Variants in ADAMTSL3 observed in about 807,000 individuals in gnomAD.
The protein encoded by ADAMTSL3 is ADAMTS-like protein 3.
ADAMTSL3 carries 128 observed loss-of-function variants against 201.7 expected under a neutral mutation model. The ratio of observed to expected loss-of-function variants is 0.63; its 90% CI spans 0.55 to 0.73. ADAMTSL3 has a LOEUF of 0.73. Ranked by LOEUF, ADAMTSL3 falls within the 30% of genes least tolerant of loss-of-function variation. The pLI is 0.00. For synonymous variants in ADAMTSL3, 738 were observed against 748.4 expected (o/e 0.99, Z 0.23); for missense variants, 1,990 against 2,119.6 (o/e 0.94, Z 1.20).
At chr15:83,913,536 CTT>C (rs147058841) in intron 16 of ADAMTSL3, among the ~76,000 whole-genome samples, 158 bp downstream of exon 16, 1 of 147,568 alleles carries the variant, frequency 6.8e-6, no homozygotes, top group Non-Finnish European at 1.5e-5. Flanking sequence ...CTTTTTCTTT[CTT>C]TTTTTTTTGT....
intron 19 of ADAMTSL3, among the ~76,000 whole-genome samples, chr15:83,951,573 A>G (rs2066757750): frequency 6.6e-6 from 1 of 152,282 alleles, no homozygotes; most frequent in East Asian, 1.9e-4. Context: ...CTTTCAGAAC[A>G]GTTCGAGTAA....
At chr15:83,812,955 T>C (rs1567161501) in intron 5 of ADAMTSL3, among the ~76,000 whole-genome samples, 2 of 152,186 alleles carry the variant, frequency 1.3e-5, no homozygotes, top group Non-Finnish European at 2.9e-5. Flanking sequence ...GAATTTAACC[T>C]CAGACAGTCA....
chr15:83,892,226 C>G (rs980833264), intron 12 of ADAMTSL3, among the ~76,000 whole-genome samples: 1 of 141,316 alleles, frequency 7.1e-6, no homozygotes, highest in Non-Finnish European at 1.5e-5. Flanking sequence ...AAAAAAAAAA[C>G]TAAATTAATT....
chr15:84,029,902 G>T (rs2068374040), intron 27 of ADAMTSL3, among the ~76,000 whole-genome samples: 1 of 152,218 alleles, frequency 6.6e-6, no homozygotes, highest in African/African-American at 2.4e-5. Flanking sequence ...TACAACTCAG[G>T]CCATTGCTTC....
At chr15:84,005,142 A>T (rs765561128) in intron 23 of ADAMTSL3, among the ~76,000 whole-genome samples, 1 of 152,212 alleles carries the variant, frequency 6.6e-6, no homozygotes, top group Non-Finnish European at 1.5e-5. Flanking sequence ...TGGGGAATCA[A>T]CACGGCCTTG....
chr15:83,792,640 A>G (rs2063361525), intron 4 of ADAMTSL3, among the ~76,000 whole-genome samples: 1 of 152,106 alleles, frequency 6.6e-6, no homozygotes, highest in African/African-American at 2.4e-5. Context: ...AAAATTAGCC[A>G]GGCATGGTGG....
chr15:83,700,529 C>A (rs2141489578), intron 2 of ADAMTSL3, among the ~76,000 whole-genome samples: 1 of 152,288 alleles, frequency 6.6e-6, no homozygotes. Flanking sequence ...TTTGGGAGGC[C>A]AAGGCGGGCA....
At chr15:83,909,803 A>G (rs2065900646) in intron 15 of ADAMTSL3, among the ~76,000 whole-genome samples, 2 of 151,912 alleles carry the variant, frequency 1.3e-5, no homozygotes, top group Non-Finnish European at 2.9e-5. Context: ...TTTAGTAGAG[A>G]CGGAATCTCA....
At position 83,808,990 on chromosome 15, in the gene ADAMTSL3, A is replaced by AG. The variant is rs2063649960; in HGVS notation, c.363+4300dup. Among the ~76,000 whole-genome samples, 6 of 151,990 alleles carry AG rather than the reference A, an allele frequency of 3.9e-5. 2 individuals carry two copies. In the Middle Eastern group the frequency reaches 0.021, roughly 521 times the overall value. On this transcript the variant is annotated intron_variant, in intron 5 of 29. Coordinates refer to ENST00000286744, the MANE Select transcript of ADAMTSL3 (RefSeq NM_207517.3). ...GTGGTTACCAGAGACTGGGGAGGACAGGGGGCAGGTAGAGATTGGGAGAGG... is the reference window on the plus strand; with the variant it reads ...GTGGTTACCAGAGACTGGGGAGGACAGGGGGGCAGGTAGAGATTGGGAGAGG...
chr15:83,979,102 C>T (rs918016558), intron 20 of ADAMTSL3, among the ~76,000 whole-genome samples: 2 of 152,264 alleles, frequency 1.3e-5, no homozygotes, highest in Admixed American at 1.3e-4. Flanking sequence ...ATCAGGTCAT[C>T]CCCAGCTTGA....
At position 83,667,698 on chromosome 15, in the gene ADAMTSL3, C is replaced by T. The variant is rs374174811; in HGVS notation, c.69+11868C>T. 2.2e-4 allele frequency among the ~76,000 whole-genome samples: 34 copies of T among 151,960 alleles called. No individual in the cohort carries two copies. The East Asian group carries it at 6.0e-3, about 27-fold the overall frequency. On this transcript the variant is annotated intron_variant, in intron 2 of 29. Transcript: ENST00000286744. ...GGCCCTGAGTGGGTCTTGGAAAAAGCAGGTATTGTCCCCAAAAAGGCCTAG... is the reference window on the plus strand; with the variant it reads ...GGCCCTGAGTGGGTCTTGGAAAAAGTAGGTATTGTCCCCAAAAAGGCCTAG...
At chr15:83,842,063 G>A (rs1370245857) in intron 7 of ADAMTSL3, among the ~76,000 whole-genome samples, 1 of 151,160 alleles carries the variant, frequency 6.6e-6, no homozygotes. Context: ...TCCCCCTTCT[G>A]CCTTCCCATC....
chr15:83,922,535 G>GT (rs1187466349), intron 16 of ADAMTSL3, among the ~76,000 whole-genome samples: 3 of 152,088 alleles, frequency 2.0e-5, no homozygotes, highest in African/African-American at 7.2e-5. Flanking sequence ...CCTCTACAAG[G>GT]TAACTACGTT....
chr15:84,031,717 TCTC>T (rs1409874069), intron 28 of ADAMTSL3, among the ~76,000 whole-genome samples: 1 of 152,118 alleles, frequency 6.6e-6, no homozygotes, highest in Non-Finnish European at 1.5e-5. Context: ...CGGAGATACT[TCTC>T]CCTCTATATA....
intron 3 of ADAMTSL3, among the ~76,000 whole-genome samples, chr15:83,749,083 A>G (rs1478899063): frequency 6.6e-6 from 1 of 152,176 alleles, no homozygotes; most frequent in Non-Finnish European, 1.5e-5. Flanking sequence ...GAAACTCTGG[A>G]ACAAGAATAG....
chr15:83,799,507 A>G (rs969765971), intron 4 of ADAMTSL3, among the ~76,000 whole-genome samples: 1 of 152,156 alleles, frequency 6.6e-6, no homozygotes, highest in Non-Finnish European at 1.5e-5. Flanking sequence ...CTACTATTTT[A>G]AAAATTAATA....
chr15:83,742,062 A>G (rs537715460), intron 3 of ADAMTSL3, among the ~76,000 whole-genome samples: 2 of 152,310 alleles, frequency 1.3e-5, no homozygotes, highest in South Asian at 4.1e-4. Context: ...CCCTTGGGAA[A>G]GTTCGAAAAA....
At chr15:83,742,562 C>T (rs1358441852) in intron 3 of ADAMTSL3, among the ~76,000 whole-genome samples, 2 of 152,246 alleles carry the variant, frequency 1.3e-5, no homozygotes, top group African/African-American at 4.8e-5. Context: ...GGATAGACTT[C>T]TAATTAGTTC....
At position 83,654,304 on chromosome 15, in the gene ADAMTSL3, G is replaced by A. The variant is rs1468598950; in HGVS notation, c.-34+28G>A. ...GGGTGCACCGAGCTCGGCGCAGGGC[G>A]GCCCCTCAGGGGTCGGGGGAAGGCG... is the stretch of plus-strand genomic sequence containing the variant. On this transcript the variant is annotated intron_variant, in intron 1 of 29. Coordinates refer to ENST00000286744, the MANE Select transcript of ADAMTSL3 (RefSeq NM_207517.3). The surrounding 1 kb of genome is among the most constrained non-coding windows in gnomAD (Gnocchi z 5.3). 6.6e-6 allele frequency: 1 copy of A among 152,236 alleles called. No individual in the cohort carries two copies. Among genetic ancestry groups the A allele is most frequent in the Non-Finnish European group, 1.5e-5 (1 of 68,178 alleles). 9.4% of individuals were successfully genotyped at this position (152,236 alleles called of 1,614,324 possible).
Sources: allele counts gnomAD v4.1 joint callset (sites outside exome capture counted in the v4.1 genomes callset), GRCh38; gene constraint gnomAD v4.1.1; non-coding constraint Gnocchi (gnomAD v3.1); transcripts MANE v1.5; gene names NCBI Gene and HGNC (gene_info 2026-07-23, HGNC 2026-07-21).